COG3: variants seen among roughly 807,000 people sequenced by gnomAD.
COG3 encodes component of oligomeric golgi complex 3, also known as conserved oligomeric Golgi complex subunit 3.
COG3 carries 32 observed loss-of-function variants against 114.1 expected under a neutral mutation model. The ratio of observed to expected loss-of-function variants is 0.28; its 90% CI spans 0.21 to 0.38. The LOEUF is 0.38. Among genes scored for constraint, COG3 ranks in the 10% least tolerant of loss-of-function variants. The pLI is 1.00. For missense variants in COG3, 813 were observed against 973.2 expected, an observed-to-expected ratio of 0.84 and a Z score of 2.19; for synonymous variants, 352 against 365.7, an observed-to-expected ratio of 0.96 and a Z score of 0.43.
At chr13:45,492,289 T>G (rs1326074689) in intron 11 of COG3, 39 bp downstream of exon 11, 2 of 1,190,338 alleles carry the variant, frequency 1.7e-6, no homozygotes, top group Admixed American at 1.8e-5. Context: ...TCATAAAATT[T>G]AACTTGCTAA....
At chr13:45,520,218 G>C (rs930760036) in intron 19 of COG3, among the ~76,000 whole-genome samples, 2 of 151,454 alleles carry the variant, frequency 1.3e-5, no homozygotes, top group African/African-American at 2.4e-5. Context: ...GAGCTGGGAA[G>C]TCGAGGGTGC....
intron 13 of COG3, among the ~76,000 whole-genome samples, chr13:45,500,117 A>AT (rs1566257343): frequency 7.6e-4 from 103 of 135,098 alleles, no homozygotes; most frequent in African/African-American, 2.6e-3. Context: ...TATATATATA[A>AT]AAAAGAGGCC....
At chr13:45,479,273 T>G (rs1886101617) in intron 3 of COG3, among the ~76,000 whole-genome samples, 1 of 152,198 alleles carries the variant, frequency 6.6e-6, no homozygotes, top group African/African-American at 2.4e-5. Flanking sequence ...AGAATTACAT[T>G]ATAATTAATA....
At position 45,501,390 on chromosome 13, in the gene COG3, G is replaced by A. The variant is rs145422716; in HGVS notation, c.1489-1854G>A. On this transcript the variant is annotated intron_variant, in intron 13 of 22. Transcript: ENST00000349995. ...TACTGATGTCAGTGTGGACTTAACG[G>A]ATATTTATTCATACTTTGGGTTATA... 2.6e-4 allele frequency among the ~76,000 whole-genome samples: 39 copies of A among 152,204 alleles called. No individual in the cohort carries two copies. The East Asian group carries it at 6.8e-3, about 26-fold the overall frequency.
chr13:45,513,903 TAAAC>T (rs1290609582), intron 16 of COG3, among the ~76,000 whole-genome samples: 2 of 152,078 alleles, frequency 1.3e-5, no homozygotes, highest in African/African-American at 4.8e-5. Context: ...AAATTTAACT[TAAAC>T]ATATTAAGAC....
intron 20 of COG3, among the ~76,000 whole-genome samples, chr13:45,526,698 CGTT>C (rs1004264215): frequency 1.3e-5 from 2 of 152,226 alleles, no homozygotes; most frequent in African/African-American, 2.4e-5. Flanking sequence ...TTGTGAAAAA[CGTT>C]GTGTGTGAAA....
At chr13:45,501,205 G>A (rs1288195874) in intron 13 of COG3, among the ~76,000 whole-genome samples, 1 of 152,240 alleles carries the variant, frequency 6.6e-6, no homozygotes, top group Non-Finnish European at 1.5e-5. Flanking sequence ...TGCTCAAGGA[G>A]TGGGTTGTGC....
At chr13:45,490,087 A>G (rs1259918376) in intron 8 of COG3, among the ~76,000 whole-genome samples, 1 of 152,190 alleles carries the variant, frequency 6.6e-6, no homozygotes, top group Non-Finnish European at 1.5e-5. Flanking sequence ...CTAAGTGAAT[A>G]TATTCACTTA....
chr13:45,475,565 A>G (rs1465409879), intron 1 of COG3, among the ~76,000 whole-genome samples: 1 of 152,200 alleles, frequency 6.6e-6, no homozygotes, highest in African/African-American at 2.4e-5. Context: ...GGGAGGGCAA[A>G]CTACTTTCAA....
At chr13:45,491,577 C>T (rs1887019730) in intron 10 of COG3, 39 bp downstream of exon 10, 3 of 1,592,538 alleles carry the variant, frequency 1.9e-6, no homozygotes, top group African/African-American at 1.4e-5. Context: ...TTAAATCTTC[C>T]TCTTGAGTTA....
intron 1 of COG3, among the ~76,000 whole-genome samples, chr13:45,474,741 G>GA (rs1157569811): frequency 1.3e-5 from 2 of 152,118 alleles, no homozygotes; most frequent in African/African-American, 4.8e-5. Context: ...GTTTTGAAGA[G>GA]AAAATGCTAT....
rs187281991 is a variant in COG3, at chr13:45,482,632, G to A, written c.717+159G>A. On this transcript the variant is annotated intron_variant, in intron 6 of 22. Transcript: ENST00000349995. ...TTATTTCTGTCCAAGGGAAAAATAT[G>A]TATTTGTAACATATTAAAGAAAAGT... Among the ~76,000 whole-genome samples the A allele has an allele frequency of 4.8e-3, 736 of 152,250 alleles. 6 individuals carry two copies. Among genetic ancestry groups the A allele is most frequent in the Non-Finnish European group, 5.9e-3 (403 of 67,992 alleles).
At chr13:45,491,859 A>G (rs1028638003) in intron 10 of COG3, among the ~76,000 whole-genome samples, 1 of 151,898 alleles carries the variant, frequency 6.6e-6, no homozygotes, top group Non-Finnish European at 1.5e-5. Flanking sequence ...TTTTATTCAT[A>G]CTATAAATTT....
intron 12 of COG3, 133 bp from the exon 13 acceptor site, chr13:45,496,019 A>G (rs2137839595): frequency 1.4e-6 from 1 of 699,978 alleles, no homozygotes; most frequent in Non-Finnish European, 2.2e-6. Context: ...TCATGCTGAA[A>G]TAGAATACAA....
At chr13:45,468,900 T>A (rs908204457) in intron 1 of COG3, among the ~76,000 whole-genome samples, 1 of 152,226 alleles carries the variant, frequency 6.6e-6, no homozygotes, top group Admixed American at 6.5e-5. Flanking sequence ...GGAAAGTGTG[T>A]GATACCACCA....
chr13:45,503,721 A>T (rs561267835), intron 14 of COG3, among the ~76,000 whole-genome samples: 1 of 152,218 alleles, frequency 6.6e-6, no homozygotes, highest in African/African-American at 2.4e-5. Flanking sequence ...GGCATGCAGG[A>T]ATGGAAAACC....
At chr13:45,497,060 G>A (rs1868881783) in intron 13 of COG3, among the ~76,000 whole-genome samples, 1 of 152,160 alleles carries the variant, frequency 6.6e-6, no homozygotes, top group African/African-American at 2.4e-5. Context: ...TTGAGTTAGT[G>A]ATCCCTGTGA....
At chr13:45,487,617 C>CA (rs1442985180) in intron 8 of COG3, among the ~76,000 whole-genome samples, 1 of 152,076 alleles carries the variant, frequency 6.6e-6, no homozygotes, top group Non-Finnish European at 1.5e-5. Flanking sequence ...TACAGATGGC[C>CA]AGCAGGTATA....
chr13:45,475,452 A>G (rs931561471), intron 1 of COG3, among the ~76,000 whole-genome samples: 1 of 151,386 alleles, frequency 6.6e-6, no homozygotes, highest in Non-Finnish European at 1.5e-5. Context: ...GATCCACCCA[A>G]CTCTGCCTCT....
Sources: allele counts gnomAD v4.1 joint callset (sites outside exome capture counted in the v4.1 genomes callset), GRCh38; gene constraint gnomAD v4.1.1; transcripts MANE v1.5; gene names NCBI Gene and HGNC (gene_info 2026-07-23, HGNC 2026-07-21).